UPK3A: variants seen among roughly 807,000 people sequenced by gnomAD.
UPK3A encodes uroplakin-3a.
UPK3A carries 32 observed loss-of-function variants against 27.6 expected under a neutral mutation model. The ratio of observed to expected loss-of-function variants is 1.16; its 90% CI spans 0.87 to 1.55. UPK3A has a LOEUF of 1.55. Among genes scored for constraint, UPK3A ranks in the 40% most tolerant of loss-of-function variants. The pLI is 0.00. For synonymous variants in UPK3A, 171 were observed against 163.9 expected (o/e 1.04, Z -0.33); for missense variants, 370 against 367.9 (o/e 1.01, Z -0.05).
At chr22:45,287,145 G>T (rs766690523) in intron 2 of UPK3A, 27 bp from the exon 3 acceptor site, 1 of 1,613,366 alleles carries the variant, frequency 6.2e-7, no homozygotes, top group Non-Finnish European at 8.5e-7. Context: ...GTGGCCAGAA[G>T]CCTGACTCCC....
chr22:45,288,938 G>T, intron 3 of UPK3A, 123 bp from the exon 4 acceptor site: 1 of 892,596 alleles, frequency 1.1e-6, no homozygotes. Context: ...CTACATTTCC[G>T]TCTCCTGGAA....
Position 45,287,186 on chromosome 22 carries a change from G to A in UPK3A, c.223G>A (p.Ala75Thr). The part of the protein sequence containing the change: ...VLVDSAISRN[A>T]SVQDSTNTPL... ...CGCCTCTGCAGCCATTTCCAGGAAT[G>A]CCTCAGTGCAAGACAGCACCAACAC... Residue 75 changes from alanine (A) to threonine (T), a missense_variant, in exon 3 of 6, where the codon GCC becomes ACC. Transcript: ENST00000216211. 1 of 1,614,170 alleles carries A rather than the reference G, an allele frequency of 6.2e-7. No homozygotes were observed. The highest frequency in any genetic ancestry group is 8.5e-7 in the Non-Finnish European group (1 of 1,180,048).
In UPK3A at chr22:45,293,144, G is replaced by A. The variant is rs77832189; in HGVS notation, c.572-37G>A. The A allele has an allele frequency of 3.8e-4, 614 of 1,611,210 alleles. 3 individuals carry two copies. The African/African-American group carries it at 6.9e-3, about 18-fold the overall frequency. On this transcript the variant is annotated intron_variant, in intron 4 of 5. Coordinates refer to ENST00000216211, the MANE Select transcript of UPK3A (RefSeq NM_006953.4). ...CCTGGGAGAAGGGTGAGGGTGGTGC[G>A]GTGTCTGGGAAGTAACCGGGCTGCA... is the stretch of plus-strand genomic sequence containing the variant.
rs2084144088 is a variant in UPK3A, at chr22:45,289,501, C to T, written c.571+358C>T. Among the ~76,000 whole-genome samples, 2 of 149,906 alleles carry T rather than the reference C, an allele frequency of 1.3e-5. 1 individual carries two copies. The highest frequency in any genetic ancestry group is 4.2e-4 in the South Asian group (2 of 4,782). On this transcript the variant is annotated intron_variant, in intron 4 of 5. Coordinates refer to ENST00000216211, the MANE Select transcript of UPK3A (RefSeq NM_006953.4). ...GCTAAGGCGGGAGAATAGCGTGAAC[C>T]CGGGAGGTGGAGCTTGCAGTGAGCC...
intron 4 of UPK3A, among the ~76,000 whole-genome samples, chr22:45,289,589 A>AAAG (rs1344434499): frequency 0.014 from 2,047 of 150,762 alleles, 48 homozygotes; most frequent in African/African-American, 0.043. Flanking sequence ...AAAAAAAAAA[A>AAAG]AAAAGAAAAA....
intron 5 of UPK3A, among the ~76,000 whole-genome samples, chr22:45,294,742 A>C (rs2084183698): frequency 6.6e-6 from 1 of 151,848 alleles, no homozygotes; most frequent in African/African-American, 2.4e-5. Flanking sequence ...CCCTCTTGCT[A>C]TCCCCACTTT....
At chr22:45,285,810 A>G in intron 1 of UPK3A, 131 bp from the exon 2 acceptor site, 2 of 1,325,734 alleles carry the variant, frequency 1.5e-6, no homozygotes, top group Non-Finnish European at 2.1e-6. Context: ...TGTCTGAGAC[A>G]GCTTATGCGG....
chr22:45,289,205 C>T (rs1480059086), intron 4 of UPK3A, 62 bp downstream of exon 4: 17 of 1,553,828 alleles, frequency 1.1e-5, no homozygotes, highest in African/African-American at 2.7e-5. Flanking sequence ...GGGCCAGCCA[C>T]GGCGGTGAGA....
chr22:45,290,902 C>T (rs1037519781), intron 4 of UPK3A, among the ~76,000 whole-genome samples: 2 of 152,084 alleles, frequency 1.3e-5, no homozygotes, highest in African/African-American at 4.8e-5. Flanking sequence ...ATCTCATGCC[C>T]GATGATGTGT....
At position 45,289,142 on chromosome 22, in the gene UPK3A, G is replaced by C. The variant is rs1203775198; in HGVS notation, c.570G>C (p.Gln190His). ...TLWSDPIRTN[Q>H]LTPYSTIDTW... ...GGTCAGACCCCATCCGCACCAACCAGCGTAAGTGGTGGGCAGTGGTGGTGG... is the reference window on the plus strand; with the variant it reads ...GGTCAGACCCCATCCGCACCAACCACCGTAAGTGGTGGGCAGTGGTGGTGG... The change falls in exon 4 of 6, where the codon CAG becomes CAC. Residue 190 changes from glutamine (Q) to histidine (H), a missense_variant and splice_region_variant. Transcript: ENST00000216211. 6.2e-7 allele frequency: 1 copy of C among 1,613,956 alleles called. No individual in the cohort carries two copies. The highest frequency in any genetic ancestry group is 8.5e-7 in the Non-Finnish European group (1 of 1,179,996).
rs1601846020 is a variant in UPK3A at position 45,285,164 on chromosome 22, C to T, written c.52+99C>T. 17 of 1,154,720 alleles carry T rather than the reference C, an allele frequency of 1.5e-5. 1 individual carries two copies. The East Asian group carries it at 1.6e-4, about 11-fold the overall frequency. The allele number at this position is 1,154,720 out of a possible 1,614,324, so 71.5% of individuals were successfully genotyped here. On this transcript the variant is annotated intron_variant, in intron 1 of 5. Coordinates refer to ENST00000216211, the MANE Select transcript of UPK3A (RefSeq NM_006953.4). ...GGACCCTGATTCCTGGCGCTGGGGA[C>T]CCAGATATTACTGTTATGAATAATA... is the stretch of plus-strand genomic sequence containing the variant.
chr22:45,289,516 T>C (rs1055718145), intron 4 of UPK3A, among the ~76,000 whole-genome samples: 1 of 146,466 alleles, frequency 6.8e-6, no homozygotes, highest in Non-Finnish European at 1.5e-5. Flanking sequence ...AGGTGGAGCT[T>C]GCAGTGAGCC....
At chr22:45,288,034 C>T (rs776339462) in intron 3 of UPK3A, among the ~76,000 whole-genome samples, 30 of 152,214 alleles carry the variant, frequency 2.0e-4, no homozygotes, top group Admixed American at 8.5e-4. Flanking sequence ...ACAGATTATG[C>T]AGCTGGTCCT....
chr22:45,293,894 C>T (rs2084178442), intron 5 of UPK3A, among the ~76,000 whole-genome samples: 1 of 152,160 alleles, frequency 6.6e-6, no homozygotes. Flanking sequence ...GGACTCGGGA[C>T]TCCACTGACA....
rs115882180 is a variant in UPK3A at position 45,293,197 on chromosome 22, G to A, written c.588G>A (p.Thr196=). The A allele has an allele frequency of 1.3e-3, 2,176 of 1,613,916 alleles. 27 individuals carry two copies. In the African/African-American group the frequency reaches 0.025, roughly 19 times the overall value. ...IRTNQLTPYS[T]IDTWPGRRSG... is the part of the protein sequence containing the mutation. ...CCACCACAGTCACCCCATACTCGAC[G>A]ATCGACACGTGGCCAGGCCGGCGGA... Residue 196 remains threonine (T), a synonymous_variant, in exon 5 of 6, where the codon ACG becomes ACA. Transcript: ENST00000216211.
chr22:45,288,839 T>C (rs1418833279), intron 3 of UPK3A, among the ~76,000 whole-genome samples: 2 of 151,816 alleles, frequency 1.3e-5, no homozygotes, highest in East Asian at 1.9e-4. Flanking sequence ...ATGCAGGAGG[T>C]GGCAGCTGAT....
intron 5 of UPK3A, among the ~76,000 whole-genome samples, chr22:45,294,993 G>A (rs1034962118): frequency 6.6e-6 from 1 of 151,546 alleles, no homozygotes; most frequent in African/African-American, 2.4e-5. Flanking sequence ...AGCCTCCTGA[G>A]TAGCTGGGAT....
intron 1 of UPK3A, 64 bp from the exon 2 acceptor site, chr22:45,285,877 G>A (rs1393863336): frequency 6.2e-7 from 1 of 1,608,766 alleles, no homozygotes; most frequent in African/African-American, 1.3e-5. Context: ...CTCAGTAACT[G>A]CAAGCAGAGT....
At chr22:45,289,931 C>T (rs1157663734) in intron 4 of UPK3A, among the ~76,000 whole-genome samples, 1 of 152,126 alleles carries the variant, frequency 6.6e-6, no homozygotes, top group Non-Finnish European at 1.5e-5. Context: ...GTGGGTTGGC[C>T]TCAAAGGCAC....
Sources: allele counts gnomAD v4.1 joint callset (sites outside exome capture counted in the v4.1 genomes callset), GRCh38; gene constraint gnomAD v4.1.1; transcripts MANE v1.5; gene names NCBI Gene and HGNC (gene_info 2026-07-23, HGNC 2026-07-21).